The following FA2H variants were observed in gnomAD, a reference collection of about 807,000 sequenced individuals.
FA2H encodes fatty acid 2-hydroxylase, also known as fatty acid alpha-hydroxylase.
Under a neutral mutation model 44.9 loss-of-function variants are expected in FA2H, and 22 were observed. The ratio of observed to expected loss-of-function variants is 0.49; its 90% CI spans 0.35 to 0.70. The LOEUF is 0.70. Ranked by LOEUF, FA2H falls within the 30% of genes least tolerant of loss-of-function variation. The pLI, the probability that FA2H is intolerant of heterozygous loss-of-function variation, is 0.01. For missense variants in FA2H, 501 were observed against 504.9 expected (o/e 0.99, Z 0.07); for synonymous variants, 243 against 213.2 (o/e 1.14, Z -1.22).
intron 1 of FA2H, among the ~76,000 whole-genome samples, chr16:74,755,747 C>G (rs548167606): frequency 2.0e-5 from 3 of 152,302 alleles, no homozygotes; most frequent in Middle Eastern, 3.4e-3. Flanking sequence ...CCAAAGCAGT[C>G]TTTATAAGGC....
At chr16:74,748,090 G>A (rs1442261074) in intron 1 of FA2H, among the ~76,000 whole-genome samples, 1 of 152,086 alleles carries the variant, frequency 6.6e-6, no homozygotes, top group African/African-American at 2.4e-5. Flanking sequence ...ATGGCCCCGG[G>A]GGGACAGGCA....
rs201529802 is a variant in FA2H, at chr16:74,740,005, C to T, written c.363+18G>A. The T allele has an allele frequency of 1.3e-6, 2 of 1,590,248 alleles. No homozygotes were observed. The highest frequency in any genetic ancestry group is 1.7e-6 in the Non-Finnish European group (2 of 1,158,348). ...GCCAGCCCCCAGTCATCACCCCACTCCATCCTATGCCAGGTACCTTGTCCC... is the reference window on the plus strand; with the variant it reads ...GCCAGCCCCCAGTCATCACCCCACTTCATCCTATGCCAGGTACCTTGTCCC... On this transcript the variant is annotated intron_variant, in intron 2 of 6. Transcript: ENST00000219368.
chr16:74,744,280 C>T (rs1719845950), intron 1 of FA2H, among the ~76,000 whole-genome samples: 1 of 152,038 alleles, frequency 6.6e-6, no homozygotes, highest in South Asian at 2.1e-4. Context: ...CTTTAAAAGG[C>T]TTTTAGAAAG....
chr16:74,736,793 C>A (rs1962190973), intron 2 of FA2H, among the ~76,000 whole-genome samples: 1 of 152,150 alleles, frequency 6.6e-6, no homozygotes, highest in Non-Finnish European at 1.5e-5. Flanking sequence ...CTCCTACTCA[C>A]CGGCCTCAGG....
intron 4 of FA2H, among the ~76,000 whole-genome samples, chr16:74,721,754 G>T (rs1188522408): frequency 6.6e-6 from 1 of 152,202 alleles, no homozygotes; most frequent in Non-Finnish European, 1.5e-5. Context: ...TCACAGAGAA[G>T]AGAGGCCCTG....
intron 4 of FA2H, among the ~76,000 whole-genome samples, chr16:74,719,880 G>A (rs1961791621): frequency 6.6e-6 from 1 of 151,840 alleles, no homozygotes; most frequent in Non-Finnish European, 1.5e-5. Context: ...GATGGGAAGT[G>A]TGACCCACCA....
At chr16:74,727,094 T>A in intron 3 of FA2H, 150 bp downstream of exon 3, 1 of 1,112,864 alleles carries the variant, frequency 9.0e-7, no homozygotes, top group Non-Finnish European at 1.3e-6. Context: ...AGGGATGAAT[T>A]ATTCCCATGG....
At chr16:74,717,012 GC>G (rs1487520207) in intron 5 of FA2H, 1 of 197,940 alleles carries the variant, frequency 5.1e-6, no homozygotes, top group Non-Finnish European at 1.0e-5. Context: ...CTAGACTGAG[GC>G]CTGATGTTGT....
At chr16:74,732,880 G>A (rs1288718249) in intron 2 of FA2H, among the ~76,000 whole-genome samples, 1 of 152,218 alleles carries the variant, frequency 6.6e-6, no homozygotes, top group Non-Finnish European at 1.5e-5. Context: ...CGTGGAAACC[G>A]GAGCTAGACC....
intron 3 of FA2H, among the ~76,000 whole-genome samples, chr16:74,726,966 A>C (rs1597546523): frequency 6.6e-6 from 1 of 152,202 alleles, no homozygotes; most frequent in African/African-American, 2.4e-5. Flanking sequence ...AATTGTTCCC[A>C]TGCGCATCGT....
At chr16:74,725,161 T>A (rs944384593) in intron 4 of FA2H, among the ~76,000 whole-genome samples, 2 of 152,134 alleles carry the variant, frequency 1.3e-5, no homozygotes, top group African/African-American at 2.4e-5. Flanking sequence ...TGGGCTGGAT[T>A]TGGGGGAACT....
chr16:74,758,383 A>T (rs1191087455), intron 1 of FA2H, among the ~76,000 whole-genome samples: 1 of 151,974 alleles, frequency 6.6e-6, no homozygotes, highest in Non-Finnish European at 1.5e-5. Flanking sequence ...GCCTCCTAAA[A>T]TGCTGGGATT....
In FA2H at chr16:74,774,565, C is replaced by T. The variant is rs1018243235; in HGVS notation, c.191G>A (p.Gly64Glu). 2 of 1,539,472 alleles carry T rather than the reference C, an allele frequency of 1.3e-6. No individual in the cohort carries two copies. The highest frequency in any genetic ancestry group is 1.4e-5 in the African/African-American group (1 of 71,632). The change falls in exon 1 of 7, where the codon GGG (glycine) becomes GAG (glutamate). Residue 64 changes from glycine to glutamate, a missense_variant. Physicochemically the swap from Gly to Glu is moderately conservative, Grantham distance 98. Coordinates refer to ENST00000219368, the MANE Select transcript of FA2H (RefSeq NM_024306.5). ...AGQDISADLD[G>E]PPHRHSANAR... ...GTTGGCCGAGTGCCTGTGCGGCGGC[C>T]CGTCCAGGTCGGCGCTGATGTCCTG...
Position 74,713,939 on chromosome 16 carries a change from G to C in FA2H, c.*251C>G. 1.8e-6 allele frequency: 1 copy of C among 542,160 alleles called. No homozygotes were observed. The highest frequency in any genetic ancestry group is 2.2e-5 in the South Asian group (1 of 46,254). The allele number at this position is 542,160 out of a possible 1,614,324, so 33.6% of individuals were successfully genotyped here. ...AAGCAGTCCTGTGGGCTGAGCTCTA[G>C]GCAGGGACGCTCCAGGAAGAAGTGG... On this transcript the variant is annotated 3_prime_UTR_variant, in exon 7 of 7. Coordinates refer to ENST00000219368, the MANE Select transcript of FA2H (RefSeq NM_024306.5).
intron 4 of FA2H, among the ~76,000 whole-genome samples, chr16:74,723,718 G>A (rs1169515064): frequency 6.6e-6 from 1 of 152,144 alleles, no homozygotes; most frequent in Non-Finnish European, 1.5e-5. Flanking sequence ...TTCCGGTGAA[G>A]TGCAGAGAGC....
rs980388087 is a variant in FA2H at position 74,731,943 on chromosome 16, G to T, written c.364-4557C>A. On this transcript the variant is annotated intron_variant, in intron 2 of 6. Coordinates refer to ENST00000219368, the MANE Select transcript of FA2H (RefSeq NM_024306.5). Reference sequence around the variant, plus strand: ...GTGAGAGTGCGGTGGCATGGCTGTGGCTCACTGCAGCACCAACCTCCTAAG... The same window carrying T: ...GTGAGAGTGCGGTGGCATGGCTGTGTCTCACTGCAGCACCAACCTCCTAAG... Among the ~76,000 whole-genome samples the T allele has an allele frequency of 4.6e-5, 7 of 152,160 alleles. 1 individual carries two copies. Among genetic ancestry groups the T allele is most frequent in the Admixed American group, 2.0e-4 (3 of 15,280 alleles).
intron 1 of FA2H, among the ~76,000 whole-genome samples, chr16:74,768,776 G>T (rs1244523667): frequency 6.6e-6 from 1 of 152,124 alleles, no homozygotes; most frequent in Non-Finnish European, 1.5e-5. Context: ...AGAGCCCAAA[G>T]TCTTACAGAC....
chr16:74,740,767 C>T (rs924381225), intron 1 of FA2H, among the ~76,000 whole-genome samples: 4 of 152,032 alleles, frequency 2.6e-5, no homozygotes, highest in Admixed American at 1.3e-4. Context: ...GGGAGCCCTC[C>T]GGGAAAGGGG....
Position 74,725,915 on chromosome 16 carries a change from A to G in FA2H, c.613+310T>C, listed in dbSNP as rs545189684. The G allele has an allele frequency of 7.5e-4, 294 of 393,404 alleles. 7 individuals are homozygous for G. The highest frequency in any genetic ancestry group is 4.1e-3 in the South Asian group (189 of 46,224). 24.4% of individuals were successfully genotyped at this position (393,404 alleles called of 1,614,324 possible). The stretch of plus-strand genomic sequence containing the variant: ...GTTTCTTAGCAAAGAATCCCACATC[A>G]TGTGTCTTTTGGTGTGACACTCAAT... On this transcript the variant is annotated intron_variant, in intron 4 of 6. Coordinates refer to ENST00000219368, the MANE Select transcript of FA2H (RefSeq NM_024306.5).
Sources: allele counts gnomAD v4.1 joint callset (sites outside exome capture counted in the v4.1 genomes callset), GRCh38; gene constraint gnomAD v4.1.1; transcripts MANE v1.5; gene names NCBI Gene and HGNC (gene_info 2026-07-23, HGNC 2026-07-21).